The following BCAS3 variants were observed in gnomAD, a reference collection of about 807,000 sequenced individuals.
BCAS3 encodes the protein BCAS3 microtubule associated cell migration factor.
In BCAS3, 53 loss-of-function variants were observed where a neutral mutation model predicts 116.1. The ratio of observed to expected loss-of-function variants is 0.46; its 90% CI spans 0.37 to 0.57. BCAS3 has a LOEUF of 0.57. Ranked by LOEUF, BCAS3 falls within the 20% of genes least tolerant of loss-of-function variation. The pLI, the probability that BCAS3 is intolerant of heterozygous loss-of-function variation, is 0.00. For synonymous variants in BCAS3, 391 were observed against 408.2 expected (o/e 0.96, Z 0.51); for missense variants, 917 against 1,165.4 (o/e 0.79, Z 3.10).
rs1024547018 is a variant in BCAS3, at chr17:61,021,426, G to T, written c.1637+5525G>T. 2.0e-5 allele frequency among the ~76,000 whole-genome samples: 3 copies of T among 152,090 alleles called. No homozygotes were observed. Among genetic ancestry groups the T allele is most frequent in the Admixed American group, 6.5e-5 (1 of 15,276 alleles). On this transcript the variant is annotated intron_variant, in intron 16 of 23. Transcript: ENST00000407086. This position sits in a 1 kb window ranked among gnomAD's most constrained non-coding sequence, Gnocchi z 4.6. ...GAAGCTTCAGATGCACCCTGTAGAA[G>T]TAGGTTAAGTAATGTAGTGGAAAAA...
rs553413976 is a variant in BCAS3 at position 61,227,947 on chromosome 17, A to G, written c.2426-140380A>G. On this transcript the variant is annotated intron_variant, in intron 22 of 23. Transcript: ENST00000407086. The surrounding 1 kb of genome is among the most constrained non-coding windows in gnomAD (Gnocchi z 6.1). ...TACTTGGGAGTGAACCCTCAGGGAA[A>G]TAAAGTGCAAAGGCTTAGCCACAGG... 6.6e-6 allele frequency among the ~76,000 whole-genome samples: 1 copy of G among 152,298 alleles called. No individual in the cohort carries two copies. Among genetic ancestry groups the G allele is most frequent in the Admixed American group, 6.5e-5 (1 of 15,306 alleles).
intron 15 of BCAS3, among the ~76,000 whole-genome samples, chr17:61,009,825 G>C (rs562749330): frequency 1.3e-5 from 2 of 152,104 alleles, no homozygotes; most frequent in African/African-American, 4.8e-5. Flanking sequence ...CAGAAGCTAA[G>C]AATACCAACC....
At chr17:60,896,109 T>C (rs1235467148) in intron 10 of BCAS3, among the ~76,000 whole-genome samples, 2 of 152,184 alleles carry the variant, frequency 1.3e-5, no homozygotes, top group African/African-American at 4.8e-5. Flanking sequence ...GCCAATGACT[T>C]GAGGTCAGGA....
chr17:60,977,040 C>A (rs868776174), intron 14 of BCAS3, among the ~76,000 whole-genome samples: 183 of 152,184 alleles, frequency 1.2e-3, no homozygotes, highest in African/African-American at 4.3e-3. Context: ...CCCAACCTCC[C>A]AGACGGGGTG....
chr17:61,296,489 C>T (rs1042902916), intron 22 of BCAS3, among the ~76,000 whole-genome samples: 13 of 152,068 alleles, frequency 8.5e-5, no homozygotes, highest in Admixed American at 4.6e-4. Flanking sequence ...GTAATTTTGA[C>T]GAAGGTACAT....
chr17:61,184,655 G>A, intron 22 of BCAS3, among the ~76,000 whole-genome samples: 1 of 152,148 alleles, frequency 6.6e-6, no homozygotes, highest in Admixed American at 6.5e-5. Flanking sequence ...AAGATTGTAT[G>A]TGAATGTTCA....
intron 22 of BCAS3, among the ~76,000 whole-genome samples, chr17:61,121,521 C>T (rs1172937381): frequency 1.3e-5 from 2 of 151,984 alleles, no homozygotes; most frequent in African/African-American, 4.8e-5. Context: ...CAAAACTGTG[C>T]AAAAAGTATT....
chr17:61,024,928 C>T (rs187433329), intron 16 of BCAS3, among the ~76,000 whole-genome samples: 1 of 151,980 alleles, frequency 6.6e-6, no homozygotes, highest in East Asian at 1.9e-4. Flanking sequence ...GGGAGACTGC[C>T]CTGAGTAGGT....
intron 6 of BCAS3, among the ~76,000 whole-genome samples, chr17:60,806,021 C>T (rs1214109990): frequency 4.0e-5 from 6 of 151,368 alleles, no homozygotes; most frequent in African/African-American, 9.7e-5. Flanking sequence ...TCCATGCTCG[C>T]GCTAATTTTT....
chr17:61,175,299 C>T (rs1161256316), intron 22 of BCAS3, among the ~76,000 whole-genome samples: 1 of 151,682 alleles, frequency 6.6e-6, no homozygotes, highest in Admixed American at 6.6e-5. Flanking sequence ...CCCAGCTACT[C>T]AGGAGACTGA....
chr17:61,067,271 GTGTATATATATATATA>G (rs1299232005), intron 19 of BCAS3, among the ~76,000 whole-genome samples: 10 of 55,128 alleles, frequency 1.8e-4, no homozygotes, highest in African/African-American at 7.5e-4. Flanking sequence ...ATGTGTGTAT[GTGTATATATATATATA>G]TATATATATA....
At chr17:61,322,148 G>A (rs2055276860) in intron 22 of BCAS3, among the ~76,000 whole-genome samples, 1 of 151,986 alleles carries the variant, frequency 6.6e-6, no homozygotes, top group South Asian at 2.1e-4. Flanking sequence ...TGGTCAGGCT[G>A]GTCTCGAACT....
At chr17:61,123,132 G>A (rs780571252) in intron 22 of BCAS3, among the ~76,000 whole-genome samples, 38 of 151,848 alleles carry the variant, frequency 2.5e-4, no homozygotes, top group Non-Finnish European at 4.3e-4. Context: ...TGGTAGAGAC[G>A]GGGTTTCACT....
At chr17:60,862,867 C>T (rs897610597) in intron 7 of BCAS3, among the ~76,000 whole-genome samples, 1 of 152,056 alleles carries the variant, frequency 6.6e-6, no homozygotes, top group African/African-American at 2.4e-5. Context: ...TGGCACTTGC[C>T]TTTTCATTTT....
At chr17:60,946,275 C>T (rs1454253780) in intron 13 of BCAS3, among the ~76,000 whole-genome samples, 1 of 152,174 alleles carries the variant, frequency 6.6e-6, no homozygotes, top group Non-Finnish European at 1.5e-5. Context: ...ATAGGATCCT[C>T]ACCTTATAAC....
At chr17:61,351,602 G>A (rs1372177534) in intron 22 of BCAS3, among the ~76,000 whole-genome samples, 4 of 152,214 alleles carry the variant, frequency 2.6e-5, no homozygotes, top group African/African-American at 9.7e-5. Flanking sequence ...AGGTCACGTC[G>A]TTAGGACATA....
In BCAS3 at chr17:61,324,821, T is replaced by G. The variant is rs528886283; in HGVS notation, c.2426-43506T>G. Among the ~76,000 whole-genome samples the G allele has an allele frequency of 7.3e-6, 1 of 136,898 alleles. No individual in the cohort carries two copies. The highest frequency in any genetic ancestry group is 3.0e-5 in the African/African-American group (1 of 32,970). 89.8% of individuals were successfully genotyped at this position (136,898 alleles called of 152,430 possible). On this transcript the variant is annotated intron_variant, in intron 22 of 23. Transcript: ENST00000407086. The surrounding 1 kb of genome is among the most constrained non-coding windows in gnomAD (Gnocchi z 4.6). ...GCAACCTAGTGAGACCTCATCTCTA[T>G]GAAAAAAAAAAAAAAAGAAGAAACA... is the stretch of plus-strand genomic sequence containing the variant.
At chr17:60,939,093 A>G (rs1599829882) in intron 13 of BCAS3, among the ~76,000 whole-genome samples, 2 of 152,282 alleles carry the variant, frequency 1.3e-5, no homozygotes. Context: ...CCACATGGAG[A>G]CTAGTATTTG....
intron 6 of BCAS3, among the ~76,000 whole-genome samples, chr17:60,766,002 C>T (rs1398809093): frequency 6.6e-6 from 1 of 152,174 alleles, no homozygotes; most frequent in Non-Finnish European, 1.5e-5. Context: ...GTGCATGTGT[C>T]ACGTAGTTCT....
Sources: gnomAD v4.1 joint callset for allele counts (sites outside exome capture counted in the v4.1 genomes callset) on GRCh38, gnomAD v4.1.1 for gene constraint, Gnocchi (gnomAD v3.1) non-coding constraint, MANE v1.5 for transcripts, NCBI Gene and HGNC (gene_info 2026-07-23, HGNC 2026-07-21) for gene names.